The following DCAF8L2 variants were observed in gnomAD, a reference collection of about 807,000 sequenced individuals.
The protein encoded by DCAF8L2 is DDB1 and CUL4 associated factor 8 like 2.
For synonymous variants in DCAF8L2, 200 were observed against 190.9 expected (o/e 1.05, Z -0.39); for missense variants, 430 against 490.7 (o/e 0.88, Z 1.17).
chrX:27,706,179 G>A (rs181847812), intron 3 of DCAF8L2, among the ~76,000 whole-genome samples: 30 of 111,127 alleles, frequency 2.7e-4, no homozygotes, highest in East Asian at 1.1e-3. Flanking sequence ...CCAGTGCCGC[G>A]CTGTTTTGGT....
intron 2 of DCAF8L2, among the ~76,000 whole-genome samples, chrX:27,657,095 C>CA (rs1175752811): frequency 1.8e-5 from 2 of 110,923 alleles, no homozygotes; most frequent in Non-Finnish European, 3.8e-5. Context: ...TTTTGGGACT[C>CA]AGACTGGCTC....
intron 2 of DCAF8L2, among the ~76,000 whole-genome samples, chrX:27,650,431 A>G (rs1929105885): frequency 8.9e-6 from 1 of 112,410 alleles, no homozygotes; most frequent in Non-Finnish European, 1.9e-5. Flanking sequence ...ATTCATGAGC[A>G]TGGAATGTTT....
chrX:27,696,485 G>T (rs112556506), intron 3 of DCAF8L2, among the ~76,000 whole-genome samples: 1 of 110,913 alleles, frequency 9.0e-6, no homozygotes, highest in Non-Finnish European at 1.9e-5. Context: ...TGAGCATTTA[G>T]ATTTGATACC....
chrX:27,601,699 CAA>C (rs1229841988), intron 1 of DCAF8L2, among the ~76,000 whole-genome samples: 2 of 55,874 alleles, frequency 3.6e-5, no homozygotes, highest in Admixed American at 4.3e-4. Context: ...GACTCAGTCT[CAA>C]AAAAAAAAAA....
intron 2 of DCAF8L2, among the ~76,000 whole-genome samples, chrX:27,675,706 AC>A (rs1182327793): frequency 8.9e-6 from 1 of 112,107 alleles, no homozygotes; most frequent in African/African-American, 3.2e-5. Context: ...GTCTTGCTTC[AC>A]CAAAGCCTTG....
the DCAF8L2 span, among the ~76,000 whole-genome samples, chrX:27,485,711 CA>C: frequency 7.2e-5 from 8 of 110,495 alleles, no homozygotes; most frequent in Non-Finnish European, 1.3e-4. Context: ...TTATATGACA[CA>C]AAAAATCCTA....
chrX:27,527,540 C>T, the DCAF8L2 span, among the ~76,000 whole-genome samples: 9 of 111,779 alleles, frequency 8.1e-5, no homozygotes, highest in East Asian at 2.5e-3. Context: ...CCTGCTCCCA[C>T]TGTCCGACAA....
At chrX:27,487,877 C>T in the DCAF8L2 span, among the ~76,000 whole-genome samples, 1 of 111,559 alleles carries the variant, frequency 9.0e-6, no homozygotes, top group South Asian at 3.7e-4. Flanking sequence ...TGACTTCAGT[C>T]ACTTATCTCA....
upstream of DCAF8L2, among the ~76,000 whole-genome samples, chrX:27,588,814 T>C (rs1372743616): frequency 9.0e-6 from 1 of 110,583 alleles, no homozygotes; most frequent in Non-Finnish European, 1.9e-5. Flanking sequence ...GTTCATTGAA[T>C]TCATCCCTCC....
At chrX:27,619,238 T>G (rs1222168255) in intron 1 of DCAF8L2, among the ~76,000 whole-genome samples, 1 of 111,528 alleles carries the variant, frequency 9.0e-6, no homozygotes, top group East Asian at 2.8e-4. Flanking sequence ...TCTTAGAGAT[T>G]TTAATACAAT....
the DCAF8L2 span, among the ~76,000 whole-genome samples, chrX:27,500,281 T>A: frequency 4.3e-3 from 480 of 111,994 alleles, no homozygotes; most frequent in Non-Finnish European, 6.1e-3. Flanking sequence ...AATTTAAAAT[T>A]AAGCAATCAA....
chrX:27,480,836 G>C, the DCAF8L2 span, among the ~76,000 whole-genome samples: 8 of 111,773 alleles, frequency 7.2e-5, no homozygotes, highest in African/African-American at 2.6e-4. Flanking sequence ...AACTGGTTAA[G>C]GAAGGGATGT....
At chrX:27,719,479 T>C (rs1274094228) in intron 4 of DCAF8L2, among the ~76,000 whole-genome samples, 7 of 103,611 alleles carry the variant, frequency 6.8e-5, no homozygotes, top group Non-Finnish European at 1.4e-4. Context: ...AGACGGAGTC[T>C]TGCTGTCACC....
At chrX:27,558,709 C>T in the DCAF8L2 span, among the ~76,000 whole-genome samples, 2 of 107,517 alleles carry the variant, frequency 1.9e-5, no homozygotes, top group Non-Finnish European at 3.8e-5. Context: ...GCTGCACCCA[C>T]CAACTCGTCA....
chrX:27,498,114 T>C, the DCAF8L2 span, among the ~76,000 whole-genome samples: 2 of 112,626 alleles, frequency 1.8e-5, no homozygotes, highest in Admixed American at 1.9e-4. Flanking sequence ...CTTTTGGCTA[T>C]TGTAAATAGT....
chrX:27,482,292 A>C, the DCAF8L2 span, among the ~76,000 whole-genome samples: 1 of 111,683 alleles, frequency 9.0e-6, no homozygotes. Flanking sequence ...ATGACAGAGA[A>C]GAGAACATCA....
the DCAF8L2 span, among the ~76,000 whole-genome samples, chrX:27,474,653 A>G: frequency 8.9e-6 from 1 of 112,349 alleles, no homozygotes; most frequent in Non-Finnish European, 1.9e-5. Flanking sequence ...ATGTTGGTTC[A>G]TGTTAAAATC....
intron 3 of DCAF8L2, among the ~76,000 whole-genome samples, chrX:27,698,690 T>C (rs937380102): frequency 5.4e-5 from 6 of 111,710 alleles, no homozygotes; most frequent in Non-Finnish European, 1.1e-4. Context: ...ATTTGGTCAC[T>C]TGCTGTTGAA....
chrX:27,493,065 G>T, the DCAF8L2 span, among the ~76,000 whole-genome samples: 1 of 109,609 alleles, frequency 9.1e-6, no homozygotes, highest in Non-Finnish European at 1.9e-5. Flanking sequence ...AACCCTGTCT[G>T]CACAAAAAAA....
Sources: gnomAD v4.1 joint callset for allele counts (sites outside exome capture counted in the v4.1 genomes callset) on GRCh38, gnomAD v4.1.1 for gene constraint, MANE v1.5 for transcripts, NCBI Gene and HGNC (gene_info 2026-07-23, HGNC 2026-07-21) for gene names.